Variants in GPR143 observed in about 807,000 individuals in gnomAD.
The protein encoded by GPR143 is G protein-coupled receptor 143, also known as G-protein coupled receptor 143.
In GPR143, 8 loss-of-function variants were observed where a neutral mutation model predicts 27.6. That is an observed-to-expected ratio of 0.29 (90% CI 0.17 to 0.52). GPR143 has a LOEUF of 0.52. Ranked by LOEUF, GPR143 falls within the 20% of genes least tolerant of loss-of-function variation. GPR143 has a pLI of 0.96. For synonymous variants in GPR143, 156 were observed against 153.2 expected (o/e 1.02, Z -0.13); for missense variants, 303 against 343.1 (o/e 0.88, Z 0.92).
At chrX:9,728,955 T>A (rs2083341915) in intron 8 of GPR143, among the ~76,000 whole-genome samples, 1 of 111,491 alleles carries the variant, frequency 9.0e-6, no homozygotes, top group Non-Finnish European at 1.9e-5. Context: ...GAGTCCTGGA[T>A]AATCTTGGTC....
chrX:9,766,726 A>G (rs919238073), upstream of GPR143, among the ~76,000 whole-genome samples: 1 of 110,107 alleles, frequency 9.1e-6, no homozygotes, highest in Non-Finnish European at 1.9e-5. Flanking sequence ...ACCTTGTATC[A>G]AAAAACGAAA....
chrX:9,749,233 C>CT (rs58576641), intron 3 of GPR143, among the ~76,000 whole-genome samples: 1,447 of 105,373 alleles, frequency 0.014, 27 homozygotes, highest in African/African-American at 0.049. Flanking sequence ...CCCTCCCCCC[C>CT]CAACCCCCTC....
chrX:9,765,993 C>G (rs917225301), upstream of GPR143: 6 of 342,079 alleles, frequency 1.8e-5, no homozygotes, highest in South Asian at 6.8e-4. Context: ...GCTAACGCCA[C>G]GAGGCCTCAC....
At chrX:9,776,845 T>C (rs953341971) in intron 1 of GPR143, among the ~76,000 whole-genome samples, 4 of 111,768 alleles carry the variant, frequency 3.6e-5, no homozygotes, top group African/African-American at 1.3e-4. Flanking sequence ...TGGCTGGGAC[T>C]ACAGGTACAC....
chrX:9,753,111 C>G (rs942452300), intron 3 of GPR143, among the ~76,000 whole-genome samples: 3 of 111,809 alleles, frequency 2.7e-5, no homozygotes, highest in African/African-American at 9.7e-5. Context: ...CGCAGTGGCT[C>G]ATGCCTATAA....
chrX:9,763,042 C>G (rs969658218), intron 1 of GPR143, among the ~76,000 whole-genome samples: 2 of 110,483 alleles, frequency 1.8e-5, no homozygotes, highest in Non-Finnish European at 3.8e-5. Flanking sequence ...CCTCCTGCCT[C>G]AGCCTGGTGA....
intron 1 of GPR143, 99 bp downstream of exon 1, chrX:9,765,469 C>A: frequency 1.2e-6 from 1 of 818,047 alleles, no homozygotes; most frequent in East Asian, 4.7e-5. Flanking sequence ...ACAGGCCGTG[C>A]GCCCTTATCC....
At chrX:9,734,339 C>T in intron 8 of GPR143, among the ~76,000 whole-genome samples, 1 of 109,736 alleles carries the variant, frequency 9.1e-6, no homozygotes, top group African/African-American at 3.3e-5. Context: ...GGGAGATACA[C>T]GGAATTGTGG....
At chrX:9,760,104 T>C (rs1311017183) in intron 2 of GPR143, among the ~76,000 whole-genome samples, 2 of 112,253 alleles carry the variant, frequency 1.8e-5, no homozygotes, top group Non-Finnish European at 3.8e-5. Context: ...TTATTTTTTT[T>C]CTTTGAAGAT....
At chrX:9,742,726 C>T (rs1189012943) in intron 6 of GPR143, among the ~76,000 whole-genome samples, 1 of 111,899 alleles carries the variant, frequency 8.9e-6, no homozygotes, top group East Asian at 2.8e-4. Flanking sequence ...AGGCCGTTCT[C>T]CAACCTTCTT....
chrX:9,766,288 T>G, upstream of GPR143: 1 of 114,268 alleles, frequency 8.8e-6, no homozygotes, highest in Non-Finnish European at 1.9e-5. Context: ...AACATGTTCA[T>G]AAACTGTGAC....
upstream of GPR143, among the ~76,000 whole-genome samples, chrX:9,769,220 C>A (rs2083545306): frequency 1.8e-5 from 2 of 111,712 alleles, no homozygotes; most frequent in African/African-American, 6.5e-5. Flanking sequence ...CAGTTTAGCA[C>A]CTGAATTCGC....
chrX:9,757,642 A>T (rs1257648248), intron 3 of GPR143, among the ~76,000 whole-genome samples: 1 of 111,336 alleles, frequency 9.0e-6, no homozygotes, highest in Non-Finnish European at 1.9e-5. Context: ...TGTAGAGGGG[A>T]TGATTAAAAT....
chrX:9,774,704 T>C (rs917342012), intron 1 of GPR143, among the ~76,000 whole-genome samples: 1 of 112,454 alleles, frequency 8.9e-6, no homozygotes, highest in African/African-American at 3.2e-5. Context: ...TTTGACCTTG[T>C]GGAATGGCCA....
intron 1 of GPR143, among the ~76,000 whole-genome samples, chrX:9,773,977 T>A (rs757796084): frequency 3.6e-5 from 4 of 110,758 alleles, no homozygotes; most frequent in Non-Finnish European, 7.6e-5. Flanking sequence ...TGAAAATGAT[T>A]TGTTCAATCA....
At chrX:9,755,658 C>A (rs1157016410) in intron 3 of GPR143, among the ~76,000 whole-genome samples, 2 of 110,834 alleles carry the variant, frequency 1.8e-5, no homozygotes, top group East Asian at 5.7e-4. Context: ...ATGACTGGAG[C>A]ACCAGCAGCT....
At chrX:9,748,974 T>A (rs2083440140) in intron 3 of GPR143, among the ~76,000 whole-genome samples, 1 of 112,429 alleles carries the variant, frequency 8.9e-6, no homozygotes, top group Non-Finnish European at 1.9e-5. Context: ...AGACCCCATA[T>A]CCATTAATTG....
upstream of GPR143, chrX:9,765,852 G>A: frequency 9.6e-7 from 1 of 1,037,846 alleles, no homozygotes; most frequent in Non-Finnish European, 1.2e-6. Context: ...GGGTGTGCCA[G>A]GACCCCGCCG....
In GPR143 at chrX:9,759,409, C is replaced by T. The variant is rs1327680985; in HGVS notation, c.378G>A (p.Leu126=). ...ACAGCCACCAGAAGCAGGCACTGTA[C>T]AACAGCTGGATCCACATCTGCAATC... ...CVGSAMWIQL[L]YSACFWWLFC... is the part of the protein sequence containing the mutation. Residue 126 remains leucine (L), a synonymous_variant, in exon 3 of 9, where the codon TTG becomes TTA. Transcript: ENST00000467482. 2.5e-6 allele frequency: 3 copies of T among 1,188,539 alleles called. No homozygotes were observed. The highest frequency in any genetic ancestry group is 3.4e-6 in the Non-Finnish European group (3 of 878,962).
Sources: allele counts gnomAD v4.1 joint callset (sites outside exome capture counted in the v4.1 genomes callset), GRCh38; gene constraint gnomAD v4.1.1; transcripts MANE v1.5; gene names NCBI Gene and HGNC (gene_info 2026-07-23, HGNC 2026-07-21).